POLR3B: variants seen among roughly 807,000 people sequenced by gnomAD.
POLR3B encodes RNA polymerase III subunit B, also known as DNA-directed RNA polymerase III subunit RPC2.
POLR3B carries 96 observed loss-of-function variants against 147.4 expected under a neutral mutation model. That is an observed-to-expected ratio of 0.65 (90% CI 0.55 to 0.77). The LOEUF (loss-of-function observed/expected upper bound fraction) is 0.77. Among genes scored for constraint, POLR3B ranks in the 30% least tolerant of loss-of-function variants. The pLI, the probability that POLR3B is intolerant of heterozygous loss-of-function variation, is 0.00. For synonymous variants in POLR3B, 461 were observed against 485.9 expected (o/e 0.95, Z 0.67); for missense variants, 1,036 against 1,413.5 (o/e 0.73, Z 4.28).
In POLR3B at chr12:106,499,245, G is replaced by T. The variant is rs1159940387; in HGVS notation, c.2985-2078G>T. On this transcript the variant is annotated intron_variant, in intron 25 of 27. Transcript: ENST00000228347. ...AGAAATAAGGCACATTTTTGGCCAG[G>T]TGTTGACCAGAAAGTGCAAAACCAT... Among the ~76,000 whole-genome samples the T allele has an allele frequency of 2.0e-5, 3 of 152,050 alleles. No homozygotes were observed. The South Asian group carries it at 6.2e-4, about 32-fold the overall frequency.
intron 11 of POLR3B, 112 bp downstream of exon 11, chr12:106,406,088 C>A: frequency 1.8e-6 from 2 of 1,110,692 alleles, no homozygotes; most frequent in African/African-American, 1.5e-5. Flanking sequence ...AGAGAAAATT[C>A]TAAAGAGGAC....
chr12:106,503,372 A>G (rs2038632953), intron 26 of POLR3B, among the ~76,000 whole-genome samples: 2 of 152,208 alleles, frequency 1.3e-5, no homozygotes, highest in South Asian at 4.1e-4. Context: ...GGAATACAGC[A>G]AACAAGGGGT....
At chr12:106,418,940 T>C (rs1281199176) in intron 12 of POLR3B, among the ~76,000 whole-genome samples, 1 of 152,226 alleles carries the variant, frequency 6.6e-6, no homozygotes, top group Non-Finnish European at 1.5e-5. Context: ...TTCCTTGTGT[T>C]TGAATCAAGG....
chr12:106,465,894 A>G lies in POLR3B; in HGVS notation c.2713+2274A>G, dbSNP rs554563994. ...ACATTTGGGTTGGTTCCAAGTCTTTACTATTGTGAATAGTGCCACAATAAA... is the reference window on the plus strand; with the variant it reads ...ACATTTGGGTTGGTTCCAAGTCTTTGCTATTGTGAATAGTGCCACAATAAA... On this transcript the variant is annotated intron_variant, in intron 23 of 27. Transcript: ENST00000228347. Among the ~76,000 whole-genome samples, 26 of 152,208 alleles carry G rather than the reference A, an allele frequency of 1.7e-4. No individual in the cohort carries two copies. The South Asian group carries it at 4.4e-3, about 26-fold the overall frequency.
rs2137098108 is a variant in POLR3B at position 106,509,705 on chromosome 12, C to CT, written c.*157dup. ...AAAATGGAGAGGCTTTTTATATACT[C>CT]TAAGACTGGCTAAACAACCTTGATC... is the stretch of plus-strand genomic sequence containing the variant. On this transcript the variant is annotated 3_prime_UTR_variant, in exon 28 of 28. Coordinates refer to ENST00000228347, the MANE Select transcript of POLR3B (RefSeq NM_018082.6). The CT allele has an allele frequency of 1.9e-5, 12 of 636,108 alleles. No homozygotes were observed. The highest frequency in any genetic ancestry group is 3.3e-5 in the Non-Finnish European group (12 of 364,806). 39.4% of individuals were successfully genotyped at this position (636,108 alleles called of 1,614,324 possible).
In POLR3B at chr12:106,376,404, A is replaced by C. The variant is rs1397697327; in HGVS notation, c.450A>C (p.Lys150Asn). The C allele has an allele frequency of 6.2e-7, 1 of 1,613,740 alleles. No individual in the cohort carries two copies. The highest frequency in any genetic ancestry group is 8.5e-7 in the Non-Finnish European group (1 of 1,179,912). ...LRSSNCVLTGKTPAEFAKLNE... is the reference protein window; with the variant it reads ...LRSSNCVLTGNTPAEFAKLNE... ...GTTCAAACTGTGTTCTTACAGGAAA[A>C]ACGCCAGCAGAATTTGCCAAACTGA... Residue 150 changes from lysine (K) to asparagine (N), a missense_variant, in exon 7 of 28, where the codon AAA (lysine) becomes AAC (asparagine). Around this residue, in one of 12 missense-constraint regions of POLR3B, gnomAD observed 217 missense variants for 288.7 expected, o/e 0.75. Transcript: ENST00000228347.
intron 21 of POLR3B, among the ~76,000 whole-genome samples, chr12:106,458,093 C>G (rs998761988): frequency 6.6e-6 from 1 of 152,044 alleles, no homozygotes; most frequent in Non-Finnish European, 1.5e-5. Context: ...CAAGTCCTTG[C>G]AACCATGTTA....
chr12:106,396,103 G>T (rs911461061), intron 10 of POLR3B, among the ~76,000 whole-genome samples: 1 of 152,266 alleles, frequency 6.6e-6, no homozygotes, highest in African/African-American at 2.4e-5. Flanking sequence ...AGCTGTAGCG[G>T]GGGATAGGAG....
At chr12:106,463,388 T>C in intron 22 of POLR3B, 90 bp from the exon 23 acceptor site, 1 of 1,131,068 alleles carries the variant, frequency 8.8e-7, no homozygotes, top group Non-Finnish European at 1.3e-6. Context: ...GAATACTCTA[T>C]GGTAGGCATG....
At chr12:106,359,520 C>T (rs1387130056) in intron 1 of POLR3B, among the ~76,000 whole-genome samples, 4 of 151,850 alleles carry the variant, frequency 2.6e-5, no homozygotes, top group African/African-American at 4.8e-5. Context: ...TTAGTAGAGA[C>T]GGGGTTTCAC....
At chr12:106,469,841 C>T (rs1230595228) in intron 23 of POLR3B, among the ~76,000 whole-genome samples, 16 of 152,170 alleles carry the variant, frequency 1.1e-4, no homozygotes, top group Admixed American at 7.2e-4. Flanking sequence ...ATGGGGTTCC[C>T]TTTGTGGGTA....
chr12:106,411,227 A>T (rs2037222099), intron 12 of POLR3B, among the ~76,000 whole-genome samples: 2 of 151,872 alleles, frequency 1.3e-5, no homozygotes, highest in African/African-American at 4.8e-5. Context: ...CAACCTTGGC[A>T]TCCTGGGTTC....
intron 23 of POLR3B, among the ~76,000 whole-genome samples, chr12:106,465,260 A>G (rs1411184189): frequency 1.3e-5 from 2 of 152,154 alleles, no homozygotes; most frequent in Admixed American, 6.5e-5. Context: ...CTACTTGGAC[A>G]AGAGCAAAGT....
intron 23 of POLR3B, among the ~76,000 whole-genome samples, chr12:106,470,813 C>T (rs1261814976): frequency 1.3e-5 from 2 of 152,110 alleles, no homozygotes; most frequent in African/African-American, 2.4e-5. Flanking sequence ...TATTGCTGCC[C>T]GATCCTTCCT....
chr12:106,445,597 CA>C (rs898014405), intron 19 of POLR3B, among the ~76,000 whole-genome samples: 9 of 149,110 alleles, frequency 6.0e-5, no homozygotes, highest in Non-Finnish European at 1.0e-4. Flanking sequence ...CTGACCCCGC[CA>C]AAAAAAAAGT....
chr12:106,414,542 T>C (rs11609315), intron 12 of POLR3B, among the ~76,000 whole-genome samples: 1 of 151,978 alleles, frequency 6.6e-6, no homozygotes, highest in Non-Finnish European at 1.5e-5. Context: ...GAACTCTGAT[T>C]TAGTCTCCAG....
At chr12:106,437,529 G>A in intron 17 of POLR3B, 152 bp from the exon 18 acceptor site, 1 of 657,826 alleles carries the variant, frequency 1.5e-6, no homozygotes, top group South Asian at 1.7e-5. Context: ...TGTGAGCTAA[G>A]AATAACATGT....
intron 19 of POLR3B, among the ~76,000 whole-genome samples, chr12:106,445,797 A>G (rs970050937): frequency 6.6e-6 from 1 of 152,208 alleles, no homozygotes; most frequent in Non-Finnish European, 1.5e-5. Context: ...CATTTGGGTA[A>G]CAACCAGAAT....
intron 23 of POLR3B, among the ~76,000 whole-genome samples, chr12:106,485,276 A>G (rs1353063022): frequency 6.6e-6 from 1 of 152,162 alleles, no homozygotes; most frequent in East Asian, 1.9e-4. Context: ...GCATTAATCC[A>G]TTCATGGGAA....
Sources: gnomAD v4.1 joint callset for allele counts (sites outside exome capture counted in the v4.1 genomes callset) on GRCh38, gnomAD v4.1.1 for gene constraint, gnomAD v4.1.1 regional missense constraint, MANE v1.5 for transcripts, NCBI Gene and HGNC (gene_info 2026-07-23, HGNC 2026-07-21) for gene names.